Variants in DEGS2 observed in about 807,000 individuals in gnomAD.
The protein encoded by DEGS2 is delta 4-desaturase, sphingolipid 2.
In DEGS2, 19 loss-of-function variants were observed where a neutral mutation model predicts 23.8. The ratio of observed to expected loss-of-function variants is 0.80; its 90% CI spans 0.56 to 1.17. The LOEUF is 1.17. DEGS2 is among the 50% of genes most tolerant of loss of function. The pLI is 0.00. For synonymous variants in DEGS2, 218 were observed against 213.7 expected (o/e 1.02, Z -0.18); for missense variants, 390 against 459.5 (o/e 0.85, Z 1.38).
intron 2 of DEGS2, among the ~76,000 whole-genome samples, 177 bp downstream of exon 2, chr14:100,148,791 C>T (rs571590020): frequency 6.6e-6 from 1 of 152,370 alleles, no homozygotes; most frequent in African/African-American, 2.4e-5. Flanking sequence ...GCAGAGGACT[C>T]GCCTGTGTTG....
Position 100,146,898 on chromosome 14 carries a change from T to C in DEGS2, c.835A>G (p.Ile279Val), listed in dbSNP as rs1889456072. Reference protein sequence around the residue: ...PGYNLPLVRKIAPEYYDHLPQ... With the variant: ...PGYNLPLVRKVAPEYYDHLPQ... Reference sequence around the variant, plus strand: ...AGGTGGTCGTAGTACTCGGGCGCGATCTTCCGCACCTGTAGAGAGGAGGGC... The same window carrying C: ...AGGTGGTCGTAGTACTCGGGCGCGACCTTCCGCACCTGTAGAGAGGAGGGC... Residue 279 changes from isoleucine (I) to valine (V), a missense_variant, in exon 3 of 3, where the codon ATC becomes GTC. Ile to Val is a conservative substitution (Grantham distance 29). Transcript: ENST00000305631. 6.2e-7 allele frequency: 1 copy of C among 1,612,738 alleles called. No individual in the cohort carries two copies. Among genetic ancestry groups the C allele is most frequent in the Non-Finnish European group, 8.5e-7 (1 of 1,179,496 alleles).
rs1305053908 is a variant in DEGS2 at position 100,149,217 on chromosome 14, C to G, written c.576G>C (p.Val192=). The G allele has an allele frequency of 6.2e-7, 1 of 1,612,454 alleles. No homozygotes were observed. Among genetic ancestry groups the G allele is most frequent in the Non-Finnish European group, 8.5e-7 (1 of 1,179,774 alleles). The change falls in exon 2 of 3, where the codon GTG becomes GTC. Residue 192 remains valine (V), a synonymous_variant. Transcript: ENST00000305631. ...AGATGGCCAGGTCGGCCGCCAGCTG[C>G]ACCAGCGTGTTGAGCACCTCCATGC... ...VTRMEVLNTL[V]QLAADLAIFA... is the part of the protein sequence containing the mutation.
chr14:100,165,442 T>C, the DEGS2 span, among the ~76,000 whole-genome samples: 1 of 152,198 alleles, frequency 6.6e-6, no homozygotes, highest in Non-Finnish European at 1.5e-5. Context: ...GAACTGTGAG[T>C]GACAAACCAT....
In DEGS2 at chr14:100,146,889, C is replaced by G; in HGVS notation, c.844G>C (p.Glu282Gln). ...TGCTGCGGCAGGTGGTCGTAGTACT[C>G]GGGCGCGATCTTCCGCACCTGTAGA... ...NLPLVRKIAP[E>Q]YYDHLPQHHS... Residue 282 changes from glutamate (E) to glutamine (Q), a missense_variant, in exon 3 of 3, where the codon GAG (glutamate) becomes CAG (glutamine). Physicochemically the swap from Glu to Gln is conservative, Grantham distance 29. Transcript: ENST00000305631. The G allele has an allele frequency of 6.2e-7, 1 of 1,613,168 alleles. No homozygotes were observed.
At chr14:100,147,979 T>C (rs1039766128) in intron 2 of DEGS2, among the ~76,000 whole-genome samples, 1 of 152,118 alleles carries the variant, frequency 6.6e-6, no homozygotes, top group African/African-American at 2.4e-5. Context: ...TCCTGGGCTG[T>C]GGTGAAGTTC....
intron 1 of DEGS2, among the ~76,000 whole-genome samples, chr14:100,152,979 C>T (rs1889598659): frequency 6.6e-6 from 1 of 152,068 alleles, no homozygotes; most frequent in South Asian, 2.1e-4. Flanking sequence ...TCGATTGATC[C>T]AGGCATGGTG....
chr14:100,164,771 A>G, the DEGS2 span, among the ~76,000 whole-genome samples: 1 of 152,166 alleles, frequency 6.6e-6, no homozygotes, highest in South Asian at 2.1e-4. Flanking sequence ...CACTTTGGAA[A>G]ACTCTTCAGT....
chr14:100,144,656 A>C lies in DEGS2; in HGVS notation c.*2105T>G, dbSNP rs1235390825. 6.6e-6 allele frequency: 1 copy of C among 152,318 alleles called. No homozygotes were observed. The highest frequency in any genetic ancestry group is 2.4e-5 in the African/African-American group (1 of 41,454). The allele number at this position is 152,318 out of a possible 1,614,324, so 9.4% of individuals were successfully genotyped here. Reference sequence around the variant, plus strand: ...CTCCTGGGAGGACCACCTGGCCTGCAATGGGCTGTCCCAGGCCCCTGCCCT... The same window carrying C: ...CTCCTGGGAGGACCACCTGGCCTGCCATGGGCTGTCCCAGGCCCCTGCCCT... On this transcript the variant is annotated 3_prime_UTR_variant, in exon 3 of 3. Transcript: ENST00000305631.
Position 100,146,713 on chromosome 14 carries a change from T to C in DEGS2, c.*48A>G, listed in dbSNP as rs1889450761. On this transcript the variant is annotated 3_prime_UTR_variant, in exon 3 of 3. Transcript: ENST00000305631. ...GCTTCTCAGTGCTGGGGTGCAAGGC[T>C]GAGGGGCCGATGGGGGACAATGGCC... 1.2e-6 allele frequency: 2 copies of C among 1,602,024 alleles called. No homozygotes were observed. Among genetic ancestry groups the C allele is most frequent in the Non-Finnish European group, 1.7e-6 (2 of 1,174,238 alleles).
Position 100,149,475 on chromosome 14 carries a change from G to T in DEGS2, c.318C>A (p.Arg106=), listed in dbSNP as rs747923304. ...GCAGGTTGGCGAACACGGCCAGCCA[G>T]CGGTTGCGTGCCGCACGGCCCGTGC... is the stretch of plus-strand genomic sequence containing the variant. ...AFGTGRAARN[R]WLAVFANLPV... Residue 106 remains arginine (R), a synonymous_variant, in exon 2 of 3, where the codon CGC becomes CGA. Coordinates refer to ENST00000305631, the MANE Select transcript of DEGS2 (RefSeq NM_206918.3). 5.0e-6 allele frequency: 8 copies of T among 1,595,784 alleles called. No homozygotes were observed. The highest frequency in any genetic ancestry group is 6.8e-6 in the Non-Finnish European group (8 of 1,171,408).
rs1474531120 is a variant in DEGS2, at chr14:100,145,911, G to A, written c.*850C>T. ...CAGTCACCTGCCCGGCCAGCCCCCG[G>A]GCTTGGGTGCCAGATCTGGGCAGAG... On this transcript the variant is annotated 3_prime_UTR_variant, in exon 3 of 3. Coordinates refer to ENST00000305631, the MANE Select transcript of DEGS2 (RefSeq NM_206918.3). The A allele has an allele frequency of 6.6e-6, 1 of 152,500 alleles. No individual in the cohort carries two copies. The highest frequency in any genetic ancestry group is 2.4e-5 in the African/African-American group (1 of 41,478). 9.4% of individuals were successfully genotyped at this position (152,500 alleles called of 1,614,324 possible).
At chr14:100,162,819 G>A (rs767086698), upstream of DEGS2, among the ~76,000 whole-genome samples, 9 of 152,208 alleles carry the variant, frequency 5.9e-5, no homozygotes, top group African/African-American at 1.4e-4. Context: ...GCTGTGCCAG[G>A]AGCAGGATGG....
At chr14:100,151,398 C>T (rs1037186475) in intron 1 of DEGS2, among the ~76,000 whole-genome samples, 8 of 152,190 alleles carry the variant, frequency 5.3e-5, no homozygotes, top group Non-Finnish European at 1.5e-5. Flanking sequence ...GAGCAGTGCA[C>T]GAGGCAGCTG....
Position 100,145,534 on chromosome 14 carries a change from T to C in DEGS2, c.*1227A>G, listed in dbSNP as rs1381130015. The C allele has an allele frequency of 1.3e-5, 2 of 152,244 alleles. No homozygotes were observed. The highest frequency in any genetic ancestry group is 2.1e-4 in the South Asian group (1 of 4,836). 9.4% of individuals were successfully genotyped at this position (152,244 alleles called of 1,614,324 possible). ...GGGACAGCCCCTGGCACCCCACTCA[T>C]GGAGAGGCCTTCAAGCCCTGACTGT... is the stretch of plus-strand genomic sequence containing the variant. On this transcript the variant is annotated 3_prime_UTR_variant, in exon 3 of 3. Coordinates refer to ENST00000305631, the MANE Select transcript of DEGS2 (RefSeq NM_206918.3).
At chr14:100,159,887 C>G (rs1889724468), upstream of DEGS2, 1 of 221,238 alleles carries the variant, frequency 4.5e-6, no homozygotes, top group African/African-American at 2.3e-5. Context: ...CTGGGTCCCT[C>G]GATGCGCGGG....
chr14:100,163,385 T>C (rs888247943), upstream of DEGS2, among the ~76,000 whole-genome samples: 3 of 152,160 alleles, frequency 2.0e-5, no homozygotes, highest in Non-Finnish European at 2.9e-5. Context: ...GAGGTTGCGG[T>C]GAGCTGAGAT....
chr14:100,146,551 G>T lies in DEGS2; in HGVS notation c.*210C>A. 1 of 638,866 alleles carries T rather than the reference G, an allele frequency of 1.6e-6. No homozygotes were observed. Among genetic ancestry groups the T allele is most frequent in the South Asian group, 2.1e-5 (1 of 48,030 alleles). The allele number at this position is 638,866 out of a possible 1,614,324, so 39.6% of individuals were successfully genotyped here. A position where few individuals can be genotyped will look rare whatever the true frequency, so the allele number is the denominator to read the frequency against. On this transcript the variant is annotated 3_prime_UTR_variant, in exon 3 of 3. Transcript: ENST00000305631. ...CCTCACCTGGGGAGGCCCAGAAAGG[G>T]AGGGCCACACTCAAGGTCCAGGGCA...
chr14:100,163,100 G>GC (rs1303850877), upstream of DEGS2, among the ~76,000 whole-genome samples: 1 of 152,188 alleles, frequency 6.6e-6, no homozygotes, highest in Non-Finnish European at 1.5e-5. Flanking sequence ...TGAGAGCAGT[G>GC]CCCCCAAGAC....
intron 1 of DEGS2, among the ~76,000 whole-genome samples, chr14:100,152,589 T>A (rs1889590902): frequency 6.6e-6 from 1 of 152,072 alleles, no homozygotes; most frequent in African/African-American, 2.4e-5. Context: ...TCCCACCACT[T>A]CCCTCTCTTG....
Sources: gnomAD v4.1 joint callset for allele counts (sites outside exome capture counted in the v4.1 genomes callset) on GRCh38, gnomAD v4.1.1 for gene constraint, MANE v1.5 for transcripts, NCBI Gene and HGNC (gene_info 2026-07-23, HGNC 2026-07-21) for gene names.